The following SLC22A23 variants were observed in gnomAD, a reference collection of about 807,000 sequenced individuals.
The protein encoded by SLC22A23 is ion transporter protein.
A neutral mutation model predicts 61.0 loss-of-function variants in SLC22A23; 26 were observed. The ratio of observed to expected loss-of-function variants is 0.43; its 90% CI spans 0.31 to 0.59. The LOEUF (loss-of-function observed/expected upper bound fraction) is 0.59. Ranked by LOEUF, SLC22A23 falls within the 20% of genes least tolerant of loss-of-function variation. The pLI is 0.11. For missense variants in SLC22A23, 796 were observed against 934.7 expected (o/e 0.85, Z 1.94); for synonymous variants, 430 against 413.9 (o/e 1.04, Z -0.47).
intron 1 of SLC22A23, among the ~76,000 whole-genome samples, chr6:3,433,391 G>T (rs777882662): frequency 1.3e-5 from 2 of 152,000 alleles, no homozygotes; most frequent in Admixed American, 1.3e-4. Flanking sequence ...CTAGGGCCAG[G>T]GATCCCTGCC....
chr6:3,427,149 G>A lies in SLC22A23; in HGVS notation c.655-11294C>T, dbSNP rs991814086. ...TCAGGGCAAGCTTTTTCACCGTGTG[G>A]GGGCTCAGTTTTAACATCTATGACG... On this transcript the variant is annotated intron_variant, in intron 1 of 9. Transcript: ENST00000406686. The surrounding 1 kb of genome is among the most constrained non-coding windows in gnomAD (Gnocchi z 4.3). Among the ~76,000 whole-genome samples the A allele has an allele frequency of 2.0e-5, 3 of 152,154 alleles. No individual in the cohort carries two copies. Among genetic ancestry groups the A allele is most frequent in the Non-Finnish European group, 4.4e-5 (3 of 68,036 alleles).
chr6:3,426,990 T>A (rs1181167945), intron 1 of SLC22A23, among the ~76,000 whole-genome samples: 1 of 152,200 alleles, frequency 6.6e-6, no homozygotes, highest in African/African-American at 2.4e-5. Context: ...CCTGGTAGCA[T>A]GGAATTCAGA....
intron 6 of SLC22A23, among the ~76,000 whole-genome samples, chr6:3,288,601 C>T (rs1760275340): frequency 6.6e-6 from 1 of 152,230 alleles, no homozygotes; most frequent in South Asian, 2.1e-4. Context: ...ATAACAGAGC[C>T]AGAGAGCTCG....
chr6:3,293,415 T>C (rs7752394), intron 5 of SLC22A23, among the ~76,000 whole-genome samples: 14,057 of 152,208 alleles, frequency 0.092, 828 homozygotes, highest in African/African-American at 0.15. Flanking sequence ...CCCTCACCCC[T>C]CCGGGACGGA....
At chr6:3,405,881 T>C (rs1256360762) in intron 3 of SLC22A23, among the ~76,000 whole-genome samples, 4 of 152,208 alleles carry the variant, frequency 2.6e-5, no homozygotes, top group Admixed American at 6.5e-5. Context: ...TTGGCTTCTA[T>C]TTTTGCAAAG....
At chr6:3,292,168 A>G (rs1248954879) in intron 5 of SLC22A23, among the ~76,000 whole-genome samples, 1 of 152,218 alleles carries the variant, frequency 6.6e-6, no homozygotes, top group Non-Finnish European at 1.5e-5. Flanking sequence ...CCAGCCTGTC[A>G]ACAACAGCAT....
intron 3 of SLC22A23, among the ~76,000 whole-genome samples, chr6:3,364,259 T>A (rs1581756297): frequency 6.6e-6 from 1 of 152,110 alleles, no homozygotes; most frequent in African/African-American, 2.4e-5. Context: ...TCCATGCAGG[T>A]GAGTGCATTC....
intron 3 of SLC22A23, among the ~76,000 whole-genome samples, chr6:3,326,736 C>T (rs929104317): frequency 1.3e-5 from 2 of 152,188 alleles, no homozygotes; most frequent in Admixed American, 6.5e-5. Context: ...AGTTAACTAC[C>T]TTTTTTTGTC....
chr6:3,443,566 T>C (rs1214246105), intron 1 of SLC22A23, among the ~76,000 whole-genome samples: 1 of 152,178 alleles, frequency 6.6e-6, no homozygotes, highest in Non-Finnish European at 1.5e-5. Flanking sequence ...GTTTAAAGCA[T>C]TTAGTGGTTA....
chr6:3,445,687 G>A (rs978236148), intron 1 of SLC22A23, among the ~76,000 whole-genome samples: 3 of 152,212 alleles, frequency 2.0e-5, no homozygotes, highest in African/African-American at 7.2e-5. Flanking sequence ...CCTGAGGGAT[G>A]AGCAGGAACC....
rs1432244429 is a variant in SLC22A23 at position 3,456,032 on chromosome 6, G to T, written c.528C>A (p.Gly176=). 1.3e-6 allele frequency: 2 copies of T among 1,547,484 alleles called. No individual in the cohort carries two copies. The highest frequency in any genetic ancestry group is 1.7e-6 in the Non-Finnish European group (2 of 1,146,814). Residue 176 remains glycine, a synonymous_variant, in exon 1 of 10, where the codon GGC becomes GGA. Coordinates refer to ENST00000406686, the MANE Select transcript of SLC22A23 (RefSeq NM_015482.2). This position sits in a 1 kb window ranked among gnomAD's most constrained non-coding sequence, Gnocchi z 7.1. ...EAAGNRSNSS[G]ADGGDTPPLP... is the part of the protein sequence containing the mutation. ...GGGGTGGTGTGTCGCCTCCGTCCGC[G>T]CCGCTGCTGTTGCTCCGGTTGCCCG...
intron 4 of SLC22A23, among the ~76,000 whole-genome samples, chr6:3,319,866 A>C (rs1215885517): frequency 6.6e-6 from 1 of 152,128 alleles, no homozygotes; most frequent in Non-Finnish European, 1.5e-5. Flanking sequence ...GAGCAGGTGG[A>C]ATTTGGAACA....
Position 3,387,177 on chromosome 6 carries a change from T to G in SLC22A23, c.913+23011A>C, listed in dbSNP as rs1003548564. Among the ~76,000 whole-genome samples, 5 of 152,124 alleles carry G rather than the reference T, an allele frequency of 3.3e-5. No individual in the cohort carries two copies. Among genetic ancestry groups the G allele is most frequent in the African/African-American group, 1.2e-4 (5 of 41,440 alleles). ...AGTGACTCACTCCTAACAAACTAAG[T>G]GGAGAAAGGGAAAACTAGTAACTGC... On this transcript the variant is annotated intron_variant, in intron 3 of 9. Transcript: ENST00000406686. The surrounding 1 kb of genome is among the most constrained non-coding windows in gnomAD (Gnocchi z 5.0).
intron 6 of SLC22A23, 124 bp from the exon 7 acceptor site, chr6:3,287,215 A>G: frequency 1.2e-6 from 1 of 865,538 alleles, no homozygotes; most frequent in East Asian, 2.7e-5. Context: ...GTCATAGAAA[A>G]GCCCATCATG....
chr6:3,363,802 A>C (rs994964153), intron 3 of SLC22A23, among the ~76,000 whole-genome samples: 1 of 152,224 alleles, frequency 6.6e-6, no homozygotes, highest in Non-Finnish European at 1.5e-5. Context: ...CATCTACTAC[A>C]TGGTTACTCC....
chr6:3,344,695 C>A (rs1764326193), intron 3 of SLC22A23, among the ~76,000 whole-genome samples: 1 of 152,240 alleles, frequency 6.6e-6, no homozygotes, highest in Admixed American at 6.5e-5. Flanking sequence ...CTTGAAAGAA[C>A]CAATTCCAAA....
rs983448398 is a variant in SLC22A23 at position 3,276,226 on chromosome 6, C to T, written c.1704-2814G>A. Among the ~76,000 whole-genome samples, 3 of 152,178 alleles carry T rather than the reference C, an allele frequency of 2.0e-5. 1 individual carries two copies. Among genetic ancestry groups the T allele is most frequent in the African/African-American group, 7.2e-5 (3 of 41,448 alleles). On this transcript the variant is annotated intron_variant, in intron 9 of 9. Coordinates refer to ENST00000406686, the MANE Select transcript of SLC22A23 (RefSeq NM_015482.2). ...GACTGCCTCTCTGTTGGTTGCAGTC[C>T]ACCCATCTGCATCCACCATGGGCAC... is the stretch of plus-strand genomic sequence containing the variant.
chr6:3,352,002 T>A (rs1434485955), intron 3 of SLC22A23, among the ~76,000 whole-genome samples: 1 of 152,130 alleles, frequency 6.6e-6, no homozygotes, highest in Non-Finnish European at 1.5e-5. Flanking sequence ...ACCACCCGAC[T>A]GGTAAGGCTG....
intron 9 of SLC22A23, among the ~76,000 whole-genome samples, chr6:3,277,396 C>T (rs1002756803): frequency 6.6e-6 from 1 of 151,992 alleles, no homozygotes; most frequent in African/African-American, 2.4e-5. Context: ...TGCTCCTGCT[C>T]CCCGAGCCCT....
Sources: allele counts gnomAD v4.1 joint callset (sites outside exome capture counted in the v4.1 genomes callset), GRCh38; gene constraint gnomAD v4.1.1; non-coding constraint Gnocchi (gnomAD v3.1); transcripts MANE v1.5; gene names NCBI Gene and HGNC (gene_info 2026-07-23, HGNC 2026-07-21).